Variants in PDCL2 observed in about 807,000 individuals in gnomAD.
PDCL2 encodes phosducin like 2, also known as phosducin-like protein 2.
A neutral mutation model predicts 30.3 loss-of-function variants in PDCL2; 23 were observed. The observed-to-expected ratio is 0.76, with a 90% confidence interval of 0.55 to 1.08. PDCL2 has a LOEUF of 1.08. PDCL2 is among the 50% of genes least tolerant of loss of function. The pLI is 0.00. For synonymous variants in PDCL2, 68 were observed against 86.2 expected (o/e 0.79, Z 1.17); for missense variants, 243 against 282.3 (o/e 0.86, Z 1.00).
chr4:55,566,275 C>T (rs147544610), intron 4 of PDCL2, among the ~76,000 whole-genome samples: 2,454 of 151,594 alleles, frequency 0.016, 49 homozygotes, highest in Non-Finnish European at 0.021. Context: ...AGCCACCGAG[C>T]CTGGCCAGTA....
intron 4 of PDCL2, among the ~76,000 whole-genome samples, chr4:55,564,161 G>T (rs1168626001): frequency 6.6e-6 from 1 of 152,220 alleles, no homozygotes; most frequent in Non-Finnish European, 1.5e-5. Flanking sequence ...CTAATTCAGA[G>T]AAATTTTATA....
At chr4:55,576,876 A>G (rs1287874267) in intron 3 of PDCL2, among the ~76,000 whole-genome samples, 1 of 151,650 alleles carries the variant, frequency 6.6e-6, no homozygotes, top group Non-Finnish European at 1.5e-5. Context: ...CAAATTTTAA[A>G]AAAAGCATGT....
In PDCL2 at chr4:55,582,243, C is replaced by CAAAAA. The variant is rs767608331; in HGVS notation, c.7-11_7-7dup. On this transcript the variant is annotated splice_region_variant and splice_polypyrimidine_tract_variant and intron_variant, in intron 1 of 5. Transcript: ENST00000295645. ...TCTGTATCTTCATTGGGATCCTACA[C>CAAAAA]AAAAAGAAAAGAAAAGAAAATTAAC... is the stretch of plus-strand genomic sequence containing the variant. The CAAAAA allele has an allele frequency of 1.3e-6, 2 of 1,582,582 alleles. No individual in the cohort carries two copies. Among genetic ancestry groups the CAAAAA allele is most frequent in the Admixed American group, 1.9e-5 (1 of 51,656 alleles).
chr4:55,557,891 A>C lies in PDCL2; in HGVS notation c.572-1180T>G, dbSNP rs1188139140. On this transcript the variant is annotated intron_variant, in intron 5 of 5. Coordinates refer to ENST00000295645, the MANE Select transcript of PDCL2 (RefSeq NM_152401.3). ...AAGGCTGAGGAGGGCGGATCACCTG[A>C]GGTAAGGAGTTCAAGACCAGCCTGG... Among the ~76,000 whole-genome samples, 36 of 149,972 alleles carry C rather than the reference A, an allele frequency of 2.4e-4. No individual in the cohort carries two copies. In the Admixed American group the frequency reaches 2.4e-3, roughly 10 times the overall value.
At chr4:55,562,305 G>T in intron 5 of PDCL2, 99 bp downstream of exon 5, 1 of 728,350 alleles carries the variant, frequency 1.4e-6, no homozygotes, top group East Asian at 3.2e-5. Flanking sequence ...CTAGAAGCAA[G>T]GAAAAAACCT....
At chr4:55,561,102 T>A (rs1162489209) in intron 5 of PDCL2, among the ~76,000 whole-genome samples, 1 of 152,186 alleles carries the variant, frequency 6.6e-6, no homozygotes, top group Non-Finnish European at 1.5e-5. Flanking sequence ...GTTGTTAATT[T>A]TTTTAATTAA....
rs147600613 is a variant in PDCL2, at chr4:55,572,233, G to A, written c.219-2372C>T. 6.6e-3 allele frequency among the ~76,000 whole-genome samples: 999 copies of A among 151,394 alleles called. 17 individuals carry two copies. Among genetic ancestry groups the A allele is most frequent in the African/African-American group, 0.023 (929 of 41,150 alleles). Reference sequence around the variant, plus strand: ...TGGGATTCAGTTGCATAAACAGAAGGCCCACTAGCTATTTTAAGCAGAAAA... The same window carrying A: ...TGGGATTCAGTTGCATAAACAGAAGACCCACTAGCTATTTTAAGCAGAAAA... On this transcript the variant is annotated intron_variant, in intron 3 of 5. Transcript: ENST00000295645.
Position 55,556,773 on chromosome 4 carries a change from T to C in PDCL2, c.572-62A>G, listed in dbSNP as rs1331555813. 15 of 1,309,800 alleles carry C rather than the reference T, an allele frequency of 1.1e-5. No individual in the cohort carries two copies. The African/African-American group carries it at 2.3e-4, about 20-fold the overall frequency. The allele number at this position is 1,309,800 out of a possible 1,614,324, so 81.1% of individuals were successfully genotyped here. ...GAAAAAATGAATAATTTTTCATCTA[T>C]ATGAAACAAGAGTTGACTCTTAGTA... On this transcript the variant is annotated intron_variant, in intron 5 of 5. Transcript: ENST00000295645.
chr4:55,580,870 C>G lies in PDCL2; in HGVS notation c.169G>C (p.Ala57Pro). 6.2e-7 allele frequency: 1 copy of G among 1,611,046 alleles called. No individual in the cohort carries two copies. Among genetic ancestry groups the G allele is most frequent in the South Asian group, 1.1e-5 (1 of 90,278 alleles). Reference sequence around the variant, plus strand: ...TCTTCTTCATCAAATTCATCTTCAGCTTCCTTTAGCTGTGCAAGAGTCATC... The same window carrying G: ...TCTTCTTCATCAAATTCATCTTCAGGTTCCTTTAGCTGTGCAAGAGTCATC... ...EKMTLAQLKE[A>P]EDEFDEEDMQ... The change falls in exon 3 of 6, where the codon GCT becomes CCT. Residue 57 changes from alanine to proline, a missense_variant. Transcript: ENST00000295645.
chr4:55,585,046 C>G (rs1449993814), intron 1 of PDCL2, among the ~76,000 whole-genome samples: 3 of 152,160 alleles, frequency 2.0e-5, no homozygotes, highest in African/African-American at 7.2e-5. Flanking sequence ...GCTGAAACAT[C>G]CTTGCATCCA....
At chr4:55,566,018 TTGC>T (rs142073074) in intron 4 of PDCL2, among the ~76,000 whole-genome samples, 4,324 of 140,886 alleles carry the variant, frequency 0.031, 246 homozygotes, top group African/African-American at 0.11. Context: ...TCCTGCTCTG[TTGC>T]CCAGGCTAGA....
intron 4 of PDCL2, among the ~76,000 whole-genome samples, chr4:55,564,955 C>T (rs1732224929): frequency 1.3e-5 from 2 of 152,172 alleles, no homozygotes; most frequent in African/African-American, 4.8e-5. Flanking sequence ...GCCAAGCTAA[C>T]TCTGGGAGAA....
intron 3 of PDCL2, among the ~76,000 whole-genome samples, chr4:55,576,496 T>C (rs550678565): frequency 6.6e-6 from 1 of 152,328 alleles, no homozygotes; most frequent in African/African-American, 2.4e-5. Flanking sequence ...TATATAACAA[T>C]GTAGTCTGTG....
At chr4:55,592,017 G>T (rs1733015692) in intron 1 of PDCL2, 87 bp downstream of exon 1, 2 of 1,536,930 alleles carry the variant, frequency 1.3e-6, no homozygotes, top group Admixed American at 3.8e-5. Context: ...TCCTGTGTCC[G>T]CCCTCCCCAT....
intron 3 of PDCL2, among the ~76,000 whole-genome samples, chr4:55,580,426 T>G (rs952588178): frequency 1.3e-5 from 2 of 152,130 alleles, no homozygotes; most frequent in African/African-American, 4.8e-5. Context: ...GTTGGGAAAT[T>G]TATGAACCTG....
intron 3 of PDCL2, among the ~76,000 whole-genome samples, chr4:55,575,358 G>T (rs1366479410): frequency 6.7e-6 from 1 of 149,948 alleles, no homozygotes. Context: ...CAACTGCAAT[G>T]ATCAAATCTG....
At chr4:55,591,818 T>A (rs1733011074) in intron 1 of PDCL2, among the ~76,000 whole-genome samples, 1 of 152,216 alleles carries the variant, frequency 6.6e-6, no homozygotes, top group Non-Finnish European at 1.5e-5. Context: ...AAAATAGTAT[T>A]CAGCAGTAAG....
chr4:55,575,189 T>C (rs543113275), intron 3 of PDCL2, among the ~76,000 whole-genome samples: 282 of 152,298 alleles, frequency 1.9e-3, no homozygotes, highest in Non-Finnish European at 3.5e-3. Context: ...GGAGAATTGG[T>C]TGTGGGGGAC....
chr4:55,582,013 A>T, intron 2 of PDCL2, 104 bp downstream of exon 2: 1 of 1,484,246 alleles, frequency 6.7e-7, no homozygotes, highest in East Asian at 2.4e-5. Flanking sequence ...AGCCTATACT[A>T]AATGATTTCT....
Sources: gnomAD v4.1 joint callset for allele counts (sites outside exome capture counted in the v4.1 genomes callset) on GRCh38, gnomAD v4.1.1 for gene constraint, MANE v1.5 for transcripts, NCBI Gene and HGNC (gene_info 2026-07-23, HGNC 2026-07-21) for gene names.